PRDM16: variants seen among roughly 807,000 people sequenced by gnomAD.
The protein encoded by PRDM16 is histone-lysine N-methyltransferase PRDM16.
Under a neutral mutation model 110.6 loss-of-function variants are expected in PRDM16, and 23 were observed. The ratio of observed to expected loss-of-function variants is 0.21; its 90% CI spans 0.15 to 0.29. The LOEUF (loss-of-function observed/expected upper bound fraction) is 0.29. Ranked by LOEUF, PRDM16 falls within the 10% of genes least tolerant of loss-of-function variation. The probability of loss-of-function intolerance (pLI) is 1.00; values close to 1 mark genes in which losing one functional copy is unlikely to be tolerated. For synonymous variants in PRDM16, 799 were observed against 781.8 expected, an observed-to-expected ratio of 1.02 and a Z score of -0.37; for missense variants, 1,615 against 1,794.3, an observed-to-expected ratio of 0.90 and a Z score of 1.81.
chr1:3,078,214 G>A (rs536549412), intron 1 of PRDM16, among the ~76,000 whole-genome samples: 9 of 152,278 alleles, frequency 5.9e-5, no homozygotes, highest in South Asian at 4.1e-4. Context: ...GCCGGGCTCC[G>A]AGACCTGCAT....
At chr1:3,142,224 C>G (rs1451189628) in intron 1 of PRDM16, among the ~76,000 whole-genome samples, 1 of 152,268 alleles carries the variant, frequency 6.6e-6, no homozygotes, top group Non-Finnish European at 1.5e-5. Flanking sequence ...TCTTTCACAG[C>G]CAGCCAAGAC....
chr1:3,411,465 TCAAGTG>T lies in PRDM16; in HGVS notation c.1273_1278del (p.Cys425_Lys426del). 1 of 1,614,180 alleles carries T rather than the reference TCAAGTG, an allele frequency of 6.2e-7. No homozygotes were observed. The highest frequency in any genetic ancestry group is 2.2e-5 in the East Asian group (1 of 44,878). ...ATGCACGCCGACTGCCGCACGCAGA[TCAAGTG>T]CAAGGACTGTGGCCAGATGTTCAGC... On this transcript the variant is annotated inframe_deletion, in exon 9 of 17. Coordinates refer to ENST00000270722, the MANE Select transcript of PRDM16 (RefSeq NM_022114.4).
chr1:3,280,698 T>C (rs920254791), intron 3 of PRDM16, among the ~76,000 whole-genome samples: 11 of 152,164 alleles, frequency 7.2e-5, no homozygotes, highest in Admixed American at 3.9e-4. Context: ...GGCTGTTGCT[T>C]AGCTTTGAAA....
chr1:3,338,547 G>C (rs143546390), intron 3 of PRDM16, among the ~76,000 whole-genome samples: 2 of 152,244 alleles, frequency 1.3e-5, no homozygotes, highest in Admixed American at 6.5e-5. Context: ...CGCCTCTTCT[G>C]TCTGACTGCC....
chr1:3,127,000 C>A, intron 1 of PRDM16, among the ~76,000 whole-genome samples: 1 of 152,310 alleles, frequency 6.6e-6, no homozygotes, highest in East Asian at 1.9e-4. Context: ...GACACAATTG[C>A]TAGGGTCCTG....
intron 3 of PRDM16, among the ~76,000 whole-genome samples, chr1:3,262,302 C>G (rs1022076915): frequency 4.6e-5 from 7 of 152,368 alleles, no homozygotes; most frequent in Admixed American, 2.6e-4. Flanking sequence ...CCCTCCTTCC[C>G]CCAGGGACTC....
intron 2 of PRDM16, among the ~76,000 whole-genome samples, chr1:3,220,168 C>T (rs1211429582): frequency 1.3e-5 from 2 of 152,212 alleles, no homozygotes; most frequent in Non-Finnish European, 2.9e-5. Context: ...ATCTTGTCCT[C>T]GCCGTGCCCA....
intron 14 of PRDM16, 85 bp downstream of exon 14, chr1:3,426,310 C>A: frequency 1.7e-6 from 2 of 1,145,002 alleles, no homozygotes; most frequent in East Asian, 2.4e-5. Context: ...GCACCTCCAC[C>A]CCAGCACCAG....
chr1:3,321,619 C>T (rs1570066867), intron 3 of PRDM16, among the ~76,000 whole-genome samples: 1 of 120,776 alleles, frequency 8.3e-6, no homozygotes, highest in Non-Finnish European at 1.8e-5. Context: ...GTATGTGAGG[C>T]CACACATATG....
chr1:3,113,839 C>T (rs1161192928), intron 1 of PRDM16, among the ~76,000 whole-genome samples: 1 of 152,228 alleles, frequency 6.6e-6, no homozygotes, highest in Non-Finnish European at 1.5e-5. Context: ...TGTCTGCCTC[C>T]CTCAGGCCGG....
rs569445061 is a variant in PRDM16 at position 3,429,978 on chromosome 1, C to T, written c.3285-894C>T. 1.9e-4 allele frequency among the ~76,000 whole-genome samples: 29 copies of T among 152,330 alleles called. No homozygotes were observed. The East Asian group carries it at 3.7e-3, about 19-fold the overall frequency. Reference sequence around the variant, plus strand: ...CCAGGGCAGCGGGAGGCAGTGCCCCCGGGCGGAGTGAGGACAAGGAAGAGT... The same window carrying T: ...CCAGGGCAGCGGGAGGCAGTGCCCCTGGGCGGAGTGAGGACAAGGAAGAGT... On this transcript the variant is annotated intron_variant, in intron 14 of 16. Transcript: ENST00000270722.
At chr1:3,099,701 C>T (rs538816665) in intron 1 of PRDM16, among the ~76,000 whole-genome samples, 5 of 152,286 alleles carry the variant, frequency 3.3e-5, no homozygotes, top group South Asian at 2.1e-4. Flanking sequence ...GCAGGCTCAC[C>T]GCTGTAGGCT....
At chr1:3,277,756 TGCACAC>T (rs1640620685) in intron 3 of PRDM16, among the ~76,000 whole-genome samples, 1 of 122,668 alleles carries the variant, frequency 8.2e-6, no homozygotes, top group Non-Finnish European at 1.9e-5. Flanking sequence ...CGCACACACA[TGCACAC>T]ACGCGCACAC....
intron 3 of PRDM16, among the ~76,000 whole-genome samples, chr1:3,253,318 T>C (rs1414627266): frequency 4.6e-5 from 7 of 150,804 alleles, no homozygotes; most frequent in Non-Finnish European, 1.0e-4. Flanking sequence ...TAACTCGTCA[T>C]TTAGCATTAG....
At chr1:3,073,538 C>A (rs963862589) in intron 1 of PRDM16, among the ~76,000 whole-genome samples, 3 of 152,200 alleles carry the variant, frequency 2.0e-5, no homozygotes, top group Non-Finnish European at 2.9e-5. Context: ...CCGGCGACTT[C>A]CCCGTGCGGG....
At chr1:3,116,674 G>A (rs937927573) in intron 1 of PRDM16, among the ~76,000 whole-genome samples, 4 of 152,160 alleles carry the variant, frequency 2.6e-5, no homozygotes, top group Admixed American at 6.5e-5. Context: ...GTCTATGCCC[G>A]AGCTCTGGCC....
intron 1 of PRDM16, among the ~76,000 whole-genome samples, chr1:3,085,024 C>A (rs1342681301): frequency 6.6e-6 from 1 of 152,186 alleles, no homozygotes; most frequent in Admixed American, 6.5e-5. Context: ...GCCCAGCATC[C>A]AGCCCCTTTT....
chr1:3,158,899 C>A (rs541122901), intron 1 of PRDM16, among the ~76,000 whole-genome samples: 31 of 152,126 alleles, frequency 2.0e-4, no homozygotes, highest in Admixed American at 1.3e-3. Flanking sequence ...CCCAACCTCC[C>A]GAGTAGCTGG....
At position 3,201,378 on chromosome 1, in the gene PRDM16, A is replaced by G. The variant is rs1569834282; in HGVS notation, c.387+14904A>G. Among the ~76,000 whole-genome samples, 3 of 152,068 alleles carry G rather than the reference A, an allele frequency of 2.0e-5. 1 individual carries two copies. The South Asian group carries it at 6.2e-4, about 32-fold the overall frequency. ...CCTCGGCGCTCAGAGGCGGGTGTCC[A>G]GTCCCCAGAGAGGTGGCCTTCAAGT... On this transcript the variant is annotated intron_variant, in intron 2 of 16. Transcript: ENST00000270722. This position sits in a 1 kb window ranked among gnomAD's most constrained non-coding sequence, Gnocchi z 4.1.
Sources: allele counts gnomAD v4.1 joint callset (sites outside exome capture counted in the v4.1 genomes callset), GRCh38; gene constraint gnomAD v4.1.1; non-coding constraint Gnocchi (gnomAD v3.1); transcripts MANE v1.5; gene names NCBI Gene and HGNC (gene_info 2026-07-23, HGNC 2026-07-21).